The following NLRP12 variants were observed in gnomAD, a reference collection of about 807,000 sequenced individuals.
NLRP12 encodes the protein NACHT, LRR and PYD domains-containing protein 12.
NLRP12 carries 108 observed loss-of-function variants against 91.2 expected under a neutral mutation model. That is an observed-to-expected ratio of 1.18 (90% CI 1.01 to 1.39). The LOEUF (loss-of-function observed/expected upper bound fraction) is 1.39, where lower values mean the gene tolerates loss of function less well. Ranked by LOEUF, NLRP12 falls within the 40% of genes most tolerant of loss-of-function variation. NLRP12 has a pLI of 0.00. For missense variants in NLRP12, 1,530 were observed against 1,352.7 expected (o/e 1.13, Z -2.06); for synonymous variants, 613 against 566.7 (o/e 1.08, Z -1.16).
At chr19:53,797,472 G>A (rs970905987) in intron 8 of NLRP12, among the ~76,000 whole-genome samples, 4 of 151,326 alleles carry the variant, frequency 2.6e-5, no homozygotes, top group Non-Finnish European at 5.9e-5. Flanking sequence ...CAGGCTGGAG[G>A]GCAGTGGCAT....
At chr19:53,802,034 C>G (rs1568663450) in intron 6 of NLRP12, among the ~76,000 whole-genome samples, 1 of 151,954 alleles carries the variant, frequency 6.6e-6, no homozygotes, top group Non-Finnish European at 1.5e-5. Context: ...TGGAGACCAT[C>G]CTGGCTAACA....
intron 8 of NLRP12, among the ~76,000 whole-genome samples, chr19:53,797,419 G>A (rs1433500147): frequency 6.7e-6 from 1 of 149,830 alleles, no homozygotes; most frequent in African/African-American, 2.5e-5. Context: ...CACTGTGCCC[G>A]GCCTGAATTA....
At chr19:53,814,831 T>G in intron 2 of NLRP12, 77 bp downstream of exon 2, 1 of 1,140,018 alleles carries the variant, frequency 8.8e-7, no homozygotes, top group Non-Finnish European at 1.3e-6. Context: ...AATCACGCGT[T>G]TGTGGTTGGC....
chr19:53,797,716 C>A (rs8106225), intron 8 of NLRP12, among the ~76,000 whole-genome samples: 56,030 of 151,174 alleles, frequency 0.37, 11,151 homozygotes, highest in African/African-American at 0.53. Flanking sequence ...CCGTGCCCAG[C>A]CTCTTTTGTA....
chr19:53,806,702 AAAGAAAT>A (rs1254134302), intron 4 of NLRP12, among the ~76,000 whole-genome samples: 2 of 143,976 alleles, frequency 1.4e-5, no homozygotes, highest in Non-Finnish European at 3.1e-5. Flanking sequence ...AAAAAAAAAA[AAAGAAAT>A]TAGCCGGGTG....
intron 6 of NLRP12, among the ~76,000 whole-genome samples, chr19:53,802,399 G>A (rs1269918421): frequency 1.3e-5 from 2 of 151,310 alleles, no homozygotes; most frequent in Admixed American, 6.6e-5. Flanking sequence ...CCATTAGGAT[G>A]CCTACTATTA....
rs2122612301 is a variant in NLRP12 at position 53,805,459 on chromosome 19, GA to G, written c.2244-10del. ...TGCGGCACCTCTTCAGCCTGGGGTG[GA>G]AAAGAGGAGAAAGGAGCTGGTCATT... On this transcript the variant is annotated splice_polypyrimidine_tract_variant and intron_variant, in intron 4 of 9. Coordinates refer to ENST00000324134, the MANE Select transcript of NLRP12 (RefSeq NM_144687.4). 6.2e-7 allele frequency: 1 copy of G among 1,613,182 alleles called. No homozygotes were observed. The highest frequency in any genetic ancestry group is 8.5e-7 in the Non-Finnish European group (1 of 1,179,722).
At chr19:53,807,778 T>C (rs2091986074) in intron 3 of NLRP12, 113 bp from the exon 4 acceptor site, 1 of 1,267,810 alleles carries the variant, frequency 7.9e-7, no homozygotes, top group Non-Finnish European at 1.1e-6. Context: ...GAGACGGAGT[T>C]TCGCTCTTGT....
At chr19:53,803,927 A>G (rs1358586913) in intron 6 of NLRP12, 25 bp downstream of exon 6, 1 of 1,609,614 alleles carries the variant, frequency 6.2e-7, no homozygotes. Flanking sequence ...CCATTTTATT[A>G]TAGTTGACCC....
At chr19:53,809,224 TAAAAAAAAAA>T (rs3973673) in intron 3 of NLRP12, among the ~76,000 whole-genome samples, 1 of 133,662 alleles carries the variant, frequency 7.5e-6, no homozygotes, top group South Asian at 2.4e-4. Flanking sequence ...AGACTTAGTT[TAAAAAAAAAA>T]AAAAAAAAAA....
rs104895566 is a variant in NLRP12, at chr19:53,810,316, C to G, written c.1343G>C (p.Gly448Ala). The G allele has an allele frequency of 7.6e-5, 123 of 1,613,554 alleles. 1 individual carries two copies. In the Middle Eastern group the frequency reaches 8.2e-4, roughly 11 times the overall value. The change falls in exon 3 of 10, where the codon GGG becomes GCG. Residue 448 changes from glycine to alanine, a missense_variant. Transcript: ENST00000324134. ...GGGTGGGGGCTGGAGGCGCGGGGCC[C>G]CCGGCTTGGGTTGCATCAGACTCAG... ...YLLSLMQPKPGAPRLQPPPNQ... is the reference protein window; with the variant it reads ...YLLSLMQPKPAAPRLQPPPNQ...
In NLRP12 at chr19:53,795,865, A is replaced by G; in HGVS notation, c.3092T>C (p.Val1031Ala). 6.2e-7 allele frequency: 1 copy of G among 1,613,966 alleles called. No homozygotes were observed. Among genetic ancestry groups the G allele is most frequent in the Non-Finnish European group, 8.5e-7 (1 of 1,179,914 alleles). The change falls in exon 9 of 10, where the codon GTC becomes GCC. Residue 1031 changes from valine (V) to alanine (A), a missense_variant. Physicochemically the swap from Val to Ala is moderately conservative, Grantham distance 64. Transcript: ENST00000324134. ...RLSHPGCKLR[V>A]LWLFGMDLNK... Reference sequence around the variant, plus strand: ...ACTGGTCATCATCCCTCACCAGAGGACTCGGAGTTTGCAGCCAGGATGGCT... The same window carrying G: ...ACTGGTCATCATCCCTCACCAGAGGGCTCGGAGTTTGCAGCCAGGATGGCT...
intron 1 of NLRP12, among the ~76,000 whole-genome samples, chr19:53,823,429 T>TA (rs372332418): frequency 0.045 from 5,140 of 114,226 alleles, 189 homozygotes; most frequent in South Asian, 0.1. Context: ...TAAATATATA[T>TA]ATTTAAAATA....
At chr19:53,800,620 T>C (rs922610374) in intron 7 of NLRP12, among the ~76,000 whole-genome samples, 2 of 151,860 alleles carry the variant, frequency 1.3e-5, no homozygotes, top group Non-Finnish European at 2.9e-5. Flanking sequence ...TTCGCTCTTG[T>C]TGCCCAGACT....
intron 1 of NLRP12, among the ~76,000 whole-genome samples, chr19:53,816,294 T>TC (rs1008499084): frequency 1.3e-5 from 2 of 152,048 alleles, no homozygotes; most frequent in African/African-American, 2.4e-5. Flanking sequence ...TGGTTGCTAG[T>TC]CCATGAAATG....
rs1163352660 is a variant in NLRP12, at chr19:53,810,715, T to A, written c.944A>T (p.Glu315Val). 1 of 1,613,868 alleles carries A rather than the reference T, an allele frequency of 6.2e-7. No homozygotes were observed. ...AAGCAGCTCCGTGGGCCGTTTCTCC[T>A]CCCAGCAGAGGCACCAGGGTCCCTG... is the stretch of plus-strand genomic sequence containing the variant. ...DPQGPWCLCW[E>V]EKRPTELLLN... The change falls in exon 3 of 10, where the codon GAG (glutamate) becomes GTG (valine). Residue 315 changes from glutamate (E) to valine (V), a missense_variant. Transcript: ENST00000324134.
Position 53,811,074 on chromosome 19 carries a change from C to A in NLRP12, c.585G>T (p.Lys195Asn). The change falls in exon 3 of 10, where the codon AAG becomes AAT. Residue 195 changes from lysine (K) to asparagine (N), a missense_variant. Transcript: ENST00000324134. ...RTVGHQASPI[K>N]IETLFEPDEE... ...CGTCTGGCTCAAAGAGGGTCTCTAT[C>A]TTGATGGGGCTAGCCTGGTGTCCCA... 6.2e-7 allele frequency: 1 copy of A among 1,613,164 alleles called. No individual in the cohort carries two copies. Among genetic ancestry groups the A allele is most frequent in the Non-Finnish European group, 8.5e-7 (1 of 1,179,234 alleles).
Position 53,810,193 on chromosome 19 carries a change from T to C in NLRP12, c.1466A>G (p.Glu489Gly). Residue 489 changes from glutamate (E) to glycine (G), a missense_variant, in exon 3 of 10, where the codon GAA becomes GGA. Glu to Gly is a moderately conservative substitution (Grantham distance 98). Transcript: ENST00000324134. ...CATGTTGAGGAAGGCAGAGACGTCT[T>C]CCCCGTCTAGGCCGTGCTTCCGGAG... ...QDLRKHGLDG[E>G]DVSAFLNMNI... The C allele has an allele frequency of 1.2e-6, 2 of 1,614,168 alleles. No individual in the cohort carries two copies. Among genetic ancestry groups the C allele is most frequent in the African/African-American group, 1.3e-5 (1 of 75,052 alleles).
rs1369275354 is a variant in NLRP12, at chr19:53,810,273, G to A, written c.1386C>T (p.Cys462=). ...LQPPPNQRGL[C]SLAADGLWNQ... is the part of the protein sequence containing the mutation. ...TCCAGAGCCCATCTGCCGCCAAGGA[G>A]CACAACCCTCTCTGGTTGGGTGGGG... is the stretch of plus-strand genomic sequence containing the variant. The change falls in exon 3 of 10, where the codon TGC becomes TGT. Residue 462 remains cysteine (C), a synonymous_variant. Coordinates refer to ENST00000324134, the MANE Select transcript of NLRP12 (RefSeq NM_144687.4). 6.2e-7 allele frequency: 1 copy of A among 1,613,960 alleles called. No homozygotes were observed. Among genetic ancestry groups the A allele is most frequent in the African/African-American group, 1.3e-5 (1 of 74,938 alleles).
Sources: gnomAD v4.1 joint callset for allele counts (sites outside exome capture counted in the v4.1 genomes callset) on GRCh38, gnomAD v4.1.1 for gene constraint, MANE v1.5 for transcripts, NCBI Gene and HGNC (gene_info 2026-07-23, HGNC 2026-07-21) for gene names.